Variants in NMI observed in about 807,000 individuals in gnomAD.
NMI encodes the protein N-myc and STAT interactor.
A neutral mutation model predicts 34.3 loss-of-function variants in NMI; 39 were observed. The observed-to-expected ratio is 1.14, with a 90% CI of 0.88 to 1.49. The LOEUF (loss-of-function observed/expected upper bound fraction) is 1.49, where lower values mean the gene tolerates loss of function less well. NMI is among the 40% of genes most tolerant of loss of function. NMI has a pLI of 0.00. For missense variants in NMI, 339 were observed against 358.1 expected (o/e 0.95, Z 0.43); for synonymous variants, 113 against 120.3 (o/e 0.94, Z 0.40).
rs78719988 is a variant in NMI, at chr2:151,277,085, C to T, written c.341-1221G>A. 7.2e-5 allele frequency among the ~76,000 whole-genome samples: 11 copies of T among 152,342 alleles called. No homozygotes were observed. In the East Asian group the frequency reaches 2.1e-3, roughly 29 times the overall value. ...CATGAAAATAAGTGACATTCACTCTCTGTCTTATAAAACTTCACATGTGTT... is the reference window on the plus strand; with the variant it reads ...CATGAAAATAAGTGACATTCACTCTTTGTCTTATAAAACTTCACATGTGTT... On this transcript the variant is annotated intron_variant, in intron 4 of 7. Coordinates refer to ENST00000243346, the MANE Select transcript of NMI (RefSeq NM_004688.3).
intron 4 of NMI, chr2:151,277,610 G>A (rs1683312774): frequency 6.6e-6 from 1 of 152,166 alleles, no homozygotes; most frequent in African/African-American, 2.4e-5. Context: ...CTATCTTTTA[G>A]TTATATCCCG....
intron 1 of NMI, among the ~76,000 whole-genome samples, 169 bp downstream of exon 1, chr2:151,289,424 G>C (rs550604631): frequency 6.6e-6 from 1 of 152,168 alleles, no homozygotes; most frequent in South Asian, 2.1e-4. Context: ...AAGGCGGCGT[G>C]GCCTCCGCGA....
rs1683272086 is a variant in NMI, at chr2:151,275,360, T to A, written c.634+124A>T. 4.6e-6 allele frequency: 4 copies of A among 874,474 alleles called. No homozygotes were observed. The Admixed American group carries it at 1.1e-4, about 24-fold the overall frequency. The allele number at this position is 874,474 out of a possible 1,614,324, so 54.2% of individuals were successfully genotyped here. A position where few individuals can be genotyped will look rare whatever the true frequency, so the allele number is the denominator to read the frequency against. On this transcript the variant is annotated intron_variant, in intron 6 of 7. Coordinates refer to ENST00000243346, the MANE Select transcript of NMI (RefSeq NM_004688.3). ...CACTCTACTATTTTATAAGGTTTTTTAAAATCCCCAATTATCATGCTAATA... is the reference window on the plus strand; with the variant it reads ...CACTCTACTATTTTATAAGGTTTTTAAAAATCCCCAATTATCATGCTAATA...
chr2:151,282,386 C>T (rs1558877306), intron 2 of NMI, among the ~76,000 whole-genome samples: 1 of 152,222 alleles, frequency 6.6e-6, no homozygotes, highest in African/African-American at 2.4e-5. Context: ...TATTTGTGAG[C>T]ATGATAAGAC....
chr2:151,282,580 G>A (rs1466667557), intron 2 of NMI, among the ~76,000 whole-genome samples: 10 of 152,180 alleles, frequency 6.6e-5, no homozygotes, highest in Admixed American at 3.9e-4. Flanking sequence ...CCCTCTTGGG[G>A]TCTAATGAGA....
chr2:151,274,853 A>T (rs778193299), intron 6 of NMI, among the ~76,000 whole-genome samples: 20 of 151,878 alleles, frequency 1.3e-4, no homozygotes, highest in Admixed American at 7.9e-4. Context: ...TTACTTTGTC[A>T]TGAAAAAATC....
At chr2:151,289,339 A>G (rs1224199845) in intron 1 of NMI, among the ~76,000 whole-genome samples, 1 of 152,164 alleles carries the variant, frequency 6.6e-6, no homozygotes, top group African/African-American at 2.4e-5. Context: ...GAAGCAAAGC[A>G]AACAAGTGAC....
rs759518225 is a variant in NMI at position 151,275,689 on chromosome 2, T to C, written c.448-19A>G. On this transcript the variant is annotated intron_variant, in intron 5 of 7. Transcript: ENST00000243346. ...CATAAACCTGGAAAATGATTTGATGTTCAGAAATATGGATGAGAGAAGTGC... is the reference window on the plus strand; with the variant it reads ...CATAAACCTGGAAAATGATTTGATGCTCAGAAATATGGATGAGAGAAGTGC... 8 of 1,612,634 alleles carry C rather than the reference T, an allele frequency of 5.0e-6. No individual in the cohort carries two copies. In the South Asian group the frequency reaches 7.7e-5, roughly 15 times the overall value.
At position 151,281,837 on chromosome 2, in the gene NMI, T is replaced by C. The variant is rs1573746491; in HGVS notation, c.177+111A>G. The C allele has an allele frequency of 1.9e-5, 13 of 671,964 alleles. No homozygotes were observed. In the South Asian group the frequency reaches 2.2e-4, roughly 12 times the overall value. The allele number at this position is 671,964 out of a possible 1,614,324, so 41.6% of individuals were successfully genotyped here. The stretch of plus-strand genomic sequence containing the variant: ...CATTTTGAACTATTACAAATGGTGG[T>C]GCCATGGATGATGATAAGGTTTTAA... On this transcript the variant is annotated intron_variant, in intron 3 of 7. Coordinates refer to ENST00000243346, the MANE Select transcript of NMI (RefSeq NM_004688.3).
chr2:151,282,786 C>G, intron 2 of NMI, 82 bp downstream of exon 2: 2 of 701,914 alleles, frequency 2.8e-6, no homozygotes, highest in Non-Finnish European at 2.3e-6. Context: ...TAATGTTGGA[C>G]AAAGACATAC....
intron 3 of NMI, among the ~76,000 whole-genome samples, chr2:151,280,848 AT>A (rs11461986): frequency 2.2e-4 from 32 of 148,554 alleles, no homozygotes; most frequent in Admixed American, 3.4e-4. Context: ...CAATGCTTTA[AT>A]TTTTTTTTTT....
intron 6 of NMI, among the ~76,000 whole-genome samples, chr2:151,274,179 C>A (rs1558874404): frequency 3.3e-5 from 5 of 151,234 alleles, no homozygotes; most frequent in African/African-American, 1.2e-4. Context: ...CCCGTCTCTA[C>A]CAAAAATACA....
In NMI at chr2:151,275,471, C is replaced by G. The variant is rs1489190982; in HGVS notation, c.634+13G>C. ...TGGCAGAGTGTCTGTTAACCTTCTA[C>G]ACCCTTGAGTACCTCCAATCTCCAC... On this transcript the variant is annotated intron_variant, in intron 6 of 7. Coordinates refer to ENST00000243346, the MANE Select transcript of NMI (RefSeq NM_004688.3). 1 of 1,610,100 alleles carries G rather than the reference C, an allele frequency of 6.2e-7. No homozygotes were observed. Among genetic ancestry groups the G allele is most frequent in the Non-Finnish European group, 8.5e-7 (1 of 1,177,524 alleles).
At position 151,282,673 on chromosome 2, in the gene NMI, C is replaced by G; in HGVS notation, c.81+195G>C. 8.2e-6 allele frequency: 3 copies of G among 364,248 alleles called. No individual in the cohort carries two copies. The Admixed American group carries it at 1.4e-4, about 17-fold the overall frequency. 22.6% of individuals were successfully genotyped at this position (364,248 alleles called of 1,614,324 possible). ...TGAGAAAGCAGCTAGTGTTGTAAGC[C>G]TTATAAGAGAAAGAATAAAAATATG... On this transcript the variant is annotated intron_variant, in intron 2 of 7. Coordinates refer to ENST00000243346, the MANE Select transcript of NMI (RefSeq NM_004688.3).
intron 1 of NMI, among the ~76,000 whole-genome samples, chr2:151,284,084 G>A (rs1683452259): frequency 6.6e-6 from 1 of 152,064 alleles, no homozygotes; most frequent in East Asian, 1.9e-4. Flanking sequence ...CTGGCCGGGC[G>A]CGGTGGCTCA....
Position 151,278,867 on chromosome 2 carries a change from G to A in NMI, c.301C>T (p.Gln101Ter), listed in dbSNP as rs1558876078. Residue 101 changes from glutamine to a stop codon, truncating the protein, a stop_gained, in exon 4 of 8, where the codon CAA (glutamine) becomes TAA (stop). Coordinates refer to ENST00000243346, the MANE Select transcript of NMI (RefSeq NM_004688.3). LOFTEE classifies it high-confidence loss of function. ...AAGGTGATAAGTGCTTGTCCTTTTT[G>A]TATCTCATAAGGAACTTTCGAGCTC... Reference protein sequence around the residue: ...QVSSKVPYEIQKGQALITFEK... With the variant: ...QVSSKVPYEI 1.2e-6 allele frequency: 2 copies of A among 1,613,300 alleles called. No individual in the cohort carries two copies. Among genetic ancestry groups the A allele is most frequent in the South Asian group, 1.1e-5 (1 of 91,028 alleles).
intron 1 of NMI, among the ~76,000 whole-genome samples, chr2:151,283,173 C>T (rs973400489): frequency 3.3e-5 from 5 of 151,154 alleles, no homozygotes; most frequent in African/African-American, 1.2e-4. Context: ...CAGAGTCTCT[C>T]TCTGTCGCCC....
chr2:151,281,757 CT>C (rs1683409517), intron 3 of NMI, among the ~76,000 whole-genome samples, 190 bp downstream of exon 3: 1 of 152,174 alleles, frequency 6.6e-6, no homozygotes, highest in Admixed American at 6.5e-5. Flanking sequence ...TATCATATGA[CT>C]ATACCCCAAT....
rs574074606 is a variant in NMI at position 151,275,332 on chromosome 2, C to G, written c.634+152G>C. ...TAGTACTGTCCCTGGAAATAATTTC[C>G]TACACTCTACTATTTTATAAGGTTT... On this transcript the variant is annotated intron_variant, in intron 6 of 7. Coordinates refer to ENST00000243346, the MANE Select transcript of NMI (RefSeq NM_004688.3). 7.1e-6 allele frequency: 5 copies of G among 699,942 alleles called. No homozygotes were observed. In the African/African-American group the frequency reaches 7.2e-5, roughly 10 times the overall value. The allele number at this position is 699,942 out of a possible 1,614,324, so 43.4% of individuals were successfully genotyped here. A position where few individuals can be genotyped will look rare whatever the true frequency, so the allele number is the denominator to read the frequency against.
Sources: allele counts gnomAD v4.1 joint callset (sites outside exome capture counted in the v4.1 genomes callset), GRCh38; gene constraint gnomAD v4.1.1; transcripts MANE v1.5; gene names NCBI Gene and HGNC (gene_info 2026-07-23, HGNC 2026-07-21).